The following TMEM63C variants were observed in gnomAD, a reference collection of about 807,000 sequenced individuals.
The protein encoded by TMEM63C is transmembrane protein 63C.
TMEM63C carries 32 observed loss-of-function variants against 99.2 expected under a neutral mutation model. The ratio of observed to expected loss-of-function variants is 0.32; its 90% CI spans 0.24 to 0.43. TMEM63C has a LOEUF of 0.43. TMEM63C is among the 20% of genes least tolerant of loss of function. The pLI, the probability that TMEM63C is intolerant of heterozygous loss-of-function variation, is 1.00. For synonymous variants in TMEM63C, 376 were observed against 397.9 expected, an observed-to-expected ratio of 0.94 and a Z score of 0.66; for missense variants, 826 against 1,053.0, an observed-to-expected ratio of 0.78 and a Z score of 2.98.
intron 1 of TMEM63C, among the ~76,000 whole-genome samples, chr14:77,189,131 A>G (rs1888056421): frequency 6.6e-6 from 1 of 150,648 alleles, no homozygotes; most frequent in Non-Finnish European, 1.5e-5. Context: ...TTTTTTTGAG[A>G]CAGGGTCTTG....
At chr14:77,189,732 G>T (rs1478818974) in intron 1 of TMEM63C, among the ~76,000 whole-genome samples, 1 of 152,226 alleles carries the variant, frequency 6.6e-6, no homozygotes, top group African/African-American at 2.4e-5. Flanking sequence ...GTCAGGAAAG[G>T]GTCCAAGAGG....
chr14:77,247,262 G>T (rs907021426), intron 18 of TMEM63C, among the ~76,000 whole-genome samples: 3 of 151,942 alleles, frequency 2.0e-5, no homozygotes, highest in African/African-American at 7.3e-5. Flanking sequence ...GTGCAGTGGC[G>T]CAATCTCGGC....
intron 23 of TMEM63C, among the ~76,000 whole-genome samples, chr14:77,255,982 T>A (rs751854267): frequency 6.6e-6 from 1 of 152,196 alleles, no homozygotes; most frequent in Non-Finnish European, 1.5e-5. Context: ...TGACAATTGC[T>A]CTTCTTCCTA....
chr14:77,191,554 T>C (rs1159289140), intron 1 of TMEM63C, among the ~76,000 whole-genome samples: 1 of 131,330 alleles, frequency 7.6e-6, no homozygotes, highest in Non-Finnish European at 1.6e-5. Context: ...TTTTTTTTTT[T>C]TTTTTTTGAG....
At chr14:77,253,409 G>A (rs1470511278) in intron 23 of TMEM63C, 33 bp downstream of exon 23, 1 of 1,575,754 alleles carries the variant, frequency 6.3e-7, no homozygotes, top group Non-Finnish European at 8.6e-7. Context: ...AGGTTGGGAG[G>A]GTGGTGCTTG....
At chr14:77,250,602 G>A (rs1029041762) in intron 21 of TMEM63C, among the ~76,000 whole-genome samples, 7 of 151,766 alleles carry the variant, frequency 4.6e-5, no homozygotes, top group Admixed American at 2.6e-4. Flanking sequence ...ACCACGCCCC[G>A]CTAATTTTTT....
Position 77,248,365 on chromosome 14 carries a change from C to A in TMEM63C, c.1620C>A (p.Asp540Glu). 6.2e-7 allele frequency: 1 copy of A among 1,611,382 alleles called. No individual in the cohort carries two copies. ...SIRFQCVFLP[D>E]NGAFFVNYVI... ...TGCCCAGGTGTGTGTTCCTGCCAGA[C>A]AACGGCGCCTTCTTTGTCAACTACG... The change falls in exon 19 of 24, where the codon GAC becomes GAA. Residue 540 changes from aspartate to glutamate, a missense_variant. Transcript: ENST00000298351.
chr14:77,240,292 A>C (rs1299324482), intron 12 of TMEM63C, among the ~76,000 whole-genome samples, 183 bp from the exon 13 acceptor site: 3 of 152,164 alleles, frequency 2.0e-5, no homozygotes, highest in African/African-American at 7.2e-5. Context: ...GCAGGGGTGA[A>C]TGGCAGTCAT....
In TMEM63C at chr14:77,242,915, T is replaced by C; in HGVS notation, c.1200T>C (p.Ser400=). The C allele has an allele frequency of 6.2e-7, 1 of 1,614,062 alleles. No individual in the cohort carries two copies. Among genetic ancestry groups the C allele is most frequent in the Non-Finnish European group, 8.5e-7 (1 of 1,179,906 alleles). ...CATCCTTCCCCAGGAAACACCTGTC[T>C]GTCCGCCGCTTCTTTTGGTGGGCCC... ...HPKDIIWKHL[S]VRRFFWWARF... is the part of the protein sequence containing the mutation. Residue 400 remains serine (S), a synonymous_variant, in exon 15 of 24, where the codon TCT becomes TCC. Coordinates refer to ENST00000298351, the MANE Select transcript of TMEM63C (RefSeq NM_020431.4).
intron 6 of TMEM63C, 76 bp downstream of exon 6, chr14:77,225,537 C>A: frequency 6.7e-7 from 1 of 1,497,156 alleles, no homozygotes; most frequent in Non-Finnish European, 9.2e-7. Context: ...GAAAAGTTAG[C>A]AGCCCCCAGC....
chr14:77,226,666 G>C (rs1265773070), intron 6 of TMEM63C, among the ~76,000 whole-genome samples: 4 of 152,124 alleles, frequency 2.6e-5, no homozygotes, highest in African/African-American at 9.7e-5. Context: ...GAGATGAGTA[G>C]GGTGTGCACA....
At chr14:77,229,965 C>T (rs959125385) in intron 6 of TMEM63C, among the ~76,000 whole-genome samples, 1 of 151,806 alleles carries the variant, frequency 6.6e-6, no homozygotes, top group Non-Finnish European at 1.5e-5. Context: ...TTTGGGAGGC[C>T]GAGGCAGGCG....
At chr14:77,231,767 G>T in intron 7 of TMEM63C, 37 bp downstream of exon 7, 4 of 1,549,916 alleles carry the variant, frequency 2.6e-6, no homozygotes, top group Non-Finnish European at 2.6e-6. Flanking sequence ...GCAGCAGCTG[G>T]ACCTGAGAGG....
At chr14:77,207,227 G>A (rs918377114) in intron 1 of TMEM63C, among the ~76,000 whole-genome samples, 2 of 152,250 alleles carry the variant, frequency 1.3e-5, no homozygotes, top group African/African-American at 4.8e-5. Flanking sequence ...AGGTGAGATG[G>A]ATGGGGTGGG....
At chr14:77,182,846 T>G (rs1176351365) in intron 1 of TMEM63C, among the ~76,000 whole-genome samples, 3 of 152,060 alleles carry the variant, frequency 2.0e-5, no homozygotes. Flanking sequence ...AGAGTTGGCT[T>G]TGAGGAGAGG....
rs750300798 is a variant in TMEM63C at position 77,195,769 on chromosome 14, C to T, written c.-77+13875C>T. ...CCAGTGCCGTGCTGTCTCCATGGCC[C>T]GCTCCCCACAGCTGCTGCTCAGCTG... On this transcript the variant is annotated intron_variant, in intron 1 of 23. Coordinates refer to ENST00000298351, the MANE Select transcript of TMEM63C (RefSeq NM_020431.4). Among the ~76,000 whole-genome samples, 55 of 152,212 alleles carry T rather than the reference C, an allele frequency of 3.6e-4. 1 individual carries two copies. The highest frequency in any genetic ancestry group is 2.2e-3 in the Admixed American group (33 of 15,286).
chr14:77,234,946 T>C (rs997378946), intron 8 of TMEM63C, among the ~76,000 whole-genome samples: 2 of 152,160 alleles, frequency 1.3e-5, no homozygotes, highest in African/African-American at 4.8e-5. Flanking sequence ...TGAATCTAAG[T>C]ACTTCAGCAG....
intron 2 of TMEM63C, among the ~76,000 whole-genome samples, chr14:77,215,471 G>A (rs1281456698): frequency 6.6e-6 from 1 of 151,546 alleles, no homozygotes; most frequent in Admixed American, 6.6e-5. Context: ...TGTAGTGGTG[G>A]GCACCTGTAG....
In TMEM63C at chr14:77,240,537, G is replaced by A. The variant is rs1178859629; in HGVS notation, c.993G>A (p.Glu331=). The change falls in exon 13 of 24, where the codon GAG becomes GAA. Residue 331 remains glutamate, a synonymous_variant. Transcript: ENST00000298351. ...EEQLTDEFNA[E]LNRVPLKRLD... ...AGCTAACGGACGAGTTCAACGCCGA[G>A]CTCAACCGCGTGCCGCTCAAGCGGC... 1.2e-6 allele frequency: 2 copies of A among 1,612,026 alleles called. No homozygotes were observed. The highest frequency in any genetic ancestry group is 1.1e-5 in the South Asian group (1 of 91,074).
Sources: gnomAD v4.1 joint callset for allele counts (sites outside exome capture counted in the v4.1 genomes callset) on GRCh38, gnomAD v4.1.1 for gene constraint, MANE v1.5 for transcripts, NCBI Gene and HGNC (gene_info 2026-07-23, HGNC 2026-07-21) for gene names.